HS6ST3: variants seen among roughly 807,000 people sequenced by gnomAD.
HS6ST3 encodes heparan-sulfate 6-O-sulfotransferase 3.
In HS6ST3, 12 loss-of-function variants were observed where a neutral mutation model predicts 36.7. That is an observed-to-expected ratio of 0.33 (90% CI 0.21 to 0.53). The LOEUF is 0.53. Among genes scored for constraint, HS6ST3 ranks in the 20% least tolerant of loss-of-function variants. The pLI, the probability that HS6ST3 is intolerant of heterozygous loss-of-function variation, is 0.95. For synonymous variants in HS6ST3, 240 were observed against 257.5 expected (o/e 0.93, Z 0.65); for missense variants, 584 against 640.9 (o/e 0.91, Z 0.96).
At chr13:96,259,391 A>G (rs921833161) in intron 1 of HS6ST3, among the ~76,000 whole-genome samples, 2 of 152,194 alleles carry the variant, frequency 1.3e-5, no homozygotes, top group Admixed American at 6.5e-5. Context: ...ACTGTGGTCC[A>G]GGTGAGAACA....
chr13:96,672,327 A>G (rs1406489221), intron 1 of HS6ST3, among the ~76,000 whole-genome samples: 1 of 152,158 alleles, frequency 6.6e-6, no homozygotes, highest in African/African-American at 2.4e-5. Flanking sequence ...ACAGCTTAAA[A>G]TTACTTTGTT....
rs577129804 is a variant in HS6ST3 at position 96,151,348 on chromosome 13, G to C, written c.707+59779G>C. ...GAACCTGGGAGGTGGAGGTTGCAGT[G>C]AGCTGAGATCCCGCGACTGCACTCC... is the stretch of plus-strand genomic sequence containing the variant. On this transcript the variant is annotated intron_variant, in intron 1 of 1. Transcript: ENST00000376705. Among the ~76,000 whole-genome samples the C allele has an allele frequency of 2.0e-4, 31 of 151,602 alleles. 1 individual carries two copies. In the South Asian group the frequency reaches 6.5e-3, roughly 32 times the overall value.
At chr13:96,645,565 G>T (rs1466252656) in intron 1 of HS6ST3, among the ~76,000 whole-genome samples, 1 of 151,392 alleles carries the variant, frequency 6.6e-6, no homozygotes, top group East Asian at 1.9e-4. Flanking sequence ...CTCCATAAGT[G>T]TGTTTGACCT....
chr13:96,562,393 G>A (rs1205751355), intron 1 of HS6ST3, among the ~76,000 whole-genome samples: 2 of 152,108 alleles, frequency 1.3e-5, no homozygotes, highest in African/African-American at 4.8e-5. Flanking sequence ...GGGGACAAGT[G>A]TTGAAGAACT....
In HS6ST3 at chr13:96,836,862, C is replaced by A. The variant is rs1209850540; in HGVS notation, c.*3664C>A. ...TTACAGCTCTGGTGTGTGATGTTAC[C>A]AGACGCCTAGGCCCTCTCCTGTTGC... On this transcript the variant is annotated 3_prime_UTR_variant, in exon 2 of 2. Transcript: ENST00000376705. The A allele has an allele frequency of 6.6e-6, 1 of 152,166 alleles. No homozygotes were observed. The highest frequency in any genetic ancestry group is 6.5e-5 in the Admixed American group (1 of 15,282). The allele number at this position is 152,166 out of a possible 1,614,324, so 9.4% of individuals were successfully genotyped here. A position where few individuals can be genotyped will look rare whatever the true frequency, so the allele number is the denominator to read the frequency against.
chr13:96,220,402 CT>C (rs1483208549), intron 1 of HS6ST3, among the ~76,000 whole-genome samples: 5 of 152,110 alleles, frequency 3.3e-5, no homozygotes, highest in Non-Finnish European at 5.9e-5. Context: ...AAGGAAGGCA[CT>C]TTTTTTCTCT....
chr13:96,677,740 G>A (rs968045846), intron 1 of HS6ST3, among the ~76,000 whole-genome samples: 1 of 152,044 alleles, frequency 6.6e-6, no homozygotes, highest in Non-Finnish European at 1.5e-5. Context: ...ATGACATTGT[G>A]TAGTAAATAT....
At chr13:96,720,338 A>T (rs1875812236) in intron 1 of HS6ST3, among the ~76,000 whole-genome samples, 1 of 152,204 alleles carries the variant, frequency 6.6e-6, no homozygotes, top group Non-Finnish European at 1.5e-5. Flanking sequence ...TAAGTACAGA[A>T]GGGAGAGACT....
intron 1 of HS6ST3, among the ~76,000 whole-genome samples, chr13:96,370,858 A>G (rs992663999): frequency 3.9e-4 from 59 of 152,334 alleles, no homozygotes; most frequent in Middle Eastern, 3.4e-3. Flanking sequence ...AGATCGTGCC[A>G]TTGCACTCCA....
chr13:96,780,483 A>C (rs1350524716), intron 1 of HS6ST3, among the ~76,000 whole-genome samples: 2 of 152,100 alleles, frequency 1.3e-5, no homozygotes, highest in Non-Finnish European at 2.9e-5. Context: ...TTCCTCCCTT[A>C]ATCTAGTGCT....
At chr13:96,430,417 C>T (rs749932403) in intron 1 of HS6ST3, among the ~76,000 whole-genome samples, 5 of 152,180 alleles carry the variant, frequency 3.3e-5, no homozygotes, top group African/African-American at 1.2e-4. Flanking sequence ...CTTTCCAGGA[C>T]GGTGTCTCCA....
chr13:96,359,229 A>G (rs954341177), intron 1 of HS6ST3, among the ~76,000 whole-genome samples: 3 of 152,182 alleles, frequency 2.0e-5, no homozygotes, highest in Non-Finnish European at 4.4e-5. Flanking sequence ...TTGATAATGT[A>G]AATGAATATA....
chr13:96,188,833 C>G (rs947877616), intron 1 of HS6ST3, among the ~76,000 whole-genome samples: 3 of 152,058 alleles, frequency 2.0e-5, no homozygotes, highest in Non-Finnish European at 4.4e-5. Context: ...GAAGAGTTGG[C>G]TGAAAGATGT....
intron 1 of HS6ST3, among the ~76,000 whole-genome samples, chr13:96,527,672 T>C (rs12100208): frequency 0.018 from 2,688 of 152,200 alleles, 81 homozygotes; most frequent in African/African-American, 0.06. Flanking sequence ...CTAAGTGAAC[T>C]TCATAGGTGA....
chr13:96,627,053 G>A (rs2056515159), intron 1 of HS6ST3, among the ~76,000 whole-genome samples: 1 of 152,070 alleles, frequency 6.6e-6, no homozygotes, highest in Non-Finnish European at 1.5e-5. Context: ...ACTATAGGCA[G>A]GGATCTCTCA....
At chr13:96,691,989 A>G (rs571902417) in intron 1 of HS6ST3, among the ~76,000 whole-genome samples, 2 of 152,262 alleles carry the variant, frequency 1.3e-5, no homozygotes, top group South Asian at 4.1e-4. Context: ...TAAATACAGT[A>G]TATGGTACTT....
At chr13:96,146,315 T>C (rs2054058107) in intron 1 of HS6ST3, among the ~76,000 whole-genome samples, 1 of 152,192 alleles carries the variant, frequency 6.6e-6, no homozygotes, top group African/African-American at 2.4e-5. Context: ...TTTGTTTGTA[T>C]CCTCTTTTAT....
intron 1 of HS6ST3, among the ~76,000 whole-genome samples, chr13:96,695,534 G>A (rs943431872): frequency 2.0e-5 from 3 of 151,810 alleles, no homozygotes; most frequent in Admixed American, 2.0e-4. Flanking sequence ...CTGGGATCAA[G>A]CAATCCTCCC....
intron 1 of HS6ST3, among the ~76,000 whole-genome samples, chr13:96,470,556 A>G (rs2055835623): frequency 6.6e-6 from 1 of 152,002 alleles, no homozygotes; most frequent in Non-Finnish European, 1.5e-5. Flanking sequence ...ACAAACAAAA[A>G]AACTCCCCAT....
Sources: gnomAD v4.1 joint callset for allele counts (sites outside exome capture counted in the v4.1 genomes callset) on GRCh38, gnomAD v4.1.1 for gene constraint, MANE v1.5 for transcripts, NCBI Gene and HGNC (gene_info 2026-07-23, HGNC 2026-07-21) for gene names.